CDH23: variants seen among roughly 807,000 people sequenced by gnomAD.
CDH23 encodes cadherin related 23.
CDH23 carries 189 observed loss-of-function variants against 317.1 expected under a neutral mutation model. That is an observed-to-expected ratio of 0.60 (90% CI 0.53 to 0.67). The LOEUF is 0.67. Among genes scored for constraint, CDH23 ranks in the 30% least tolerant of loss-of-function variants. The pLI is 0.00. For missense variants in CDH23, 4,401 were observed against 4,592.4 expected, an observed-to-expected ratio of 0.96 and a Z score of 1.20; for synonymous variants, 1,839 against 1,876.8, an observed-to-expected ratio of 0.98 and a Z score of 0.52.
At chr10:71,631,890 C>T (rs935793646) in intron 11 of CDH23, among the ~76,000 whole-genome samples, 8 of 152,204 alleles carry the variant, frequency 5.3e-5, no homozygotes, top group Non-Finnish European at 8.8e-5. Context: ...AGAAGCCACT[C>T]GCTATTGCCC....
At position 71,565,308 on chromosome 10, in the gene CDH23, A is replaced by T. The variant is rs533563603; in HGVS notation, c.430-1434A>T. 2.0e-5 allele frequency among the ~76,000 whole-genome samples: 3 copies of T among 152,300 alleles called. No individual in the cohort carries two copies. In the South Asian group the frequency reaches 6.2e-4, roughly 32 times the overall value. On this transcript the variant is annotated intron_variant, in intron 6 of 69. Transcript: ENST00000224721. ...AGGGAAAGGAGACGAAAATTGTATT[A>T]TCAGAGCCCACTGAGAGTTGGGGCC...
intron 3 of CDH23, among the ~76,000 whole-genome samples, chr10:71,488,927 T>G (rs536072392): frequency 1.4e-4 from 21 of 152,374 alleles, no homozygotes; most frequent in Non-Finnish European, 2.5e-4. Flanking sequence ...GACTTTGGGA[T>G]CCACTGTGAT....
At chr10:71,532,690 G>A (rs1439891261) in intron 6 of CDH23, among the ~76,000 whole-genome samples, 4 of 149,814 alleles carry the variant, frequency 2.7e-5, no homozygotes, top group Non-Finnish European at 5.9e-5. Flanking sequence ...GTTTGATGTT[G>A]GCAAGTTTTC....
chr10:71,447,402 C>T (rs1850223803), intron 3 of CDH23, among the ~76,000 whole-genome samples: 2 of 152,292 alleles, frequency 1.3e-5, no homozygotes, highest in African/African-American at 4.8e-5. Flanking sequence ...CGGGCCCAGA[C>T]TCTCCCCTGC....
At chr10:71,711,486 T>A (rs187507668) in intron 27 of CDH23, among the ~76,000 whole-genome samples, 2 of 152,068 alleles carry the variant, frequency 1.3e-5, no homozygotes, top group East Asian at 3.9e-4. Context: ...GGTTACAAGC[T>A]CCTTCCTCCA....
intron 6 of CDH23, among the ~76,000 whole-genome samples, chr10:71,551,745 G>T (rs1267919421): frequency 6.6e-6 from 1 of 152,176 alleles, no homozygotes; most frequent in Non-Finnish European, 1.5e-5. Flanking sequence ...AGGACCTCTA[G>T]CTGTCCCTGA....
At chr10:71,662,587 C>G (rs991346641) in intron 14 of CDH23, among the ~76,000 whole-genome samples, 1 of 152,168 alleles carries the variant, frequency 6.6e-6, no homozygotes, top group Non-Finnish European at 1.5e-5. Flanking sequence ...TTGCCCCCTT[C>G]TCTCATCTCC....
chr10:71,546,360 G>A (rs922843009), intron 6 of CDH23, among the ~76,000 whole-genome samples: 8 of 152,346 alleles, frequency 5.3e-5, no homozygotes, highest in South Asian at 2.1e-4. Flanking sequence ...ACCAGGCAGA[G>A]CGATATGATG....
chr10:71,495,810 G>GA (rs79249505), intron 3 of CDH23, among the ~76,000 whole-genome samples: 220 of 128,242 alleles, frequency 1.7e-3, no homozygotes, highest in Admixed American at 3.1e-3. Flanking sequence ...AGAGGTTTTG[G>GA]AAAAAAAAAA....
intron 1 of CDH23, among the ~76,000 whole-genome samples, chr10:71,426,714 T>A (rs890801665): frequency 2.6e-5 from 4 of 152,242 alleles, no homozygotes; most frequent in Admixed American, 6.5e-5. Context: ...TTTAATTTTT[T>A]AAAACTGTTC....
intron 38 of CDH23, chr10:71,760,688 G>A: frequency 1.6e-6 from 1 of 625,872 alleles, no homozygotes; most frequent in South Asian, 1.9e-5. Context: ...AAGGAGAGTG[G>A]GCTTCTGGGG....
At chr10:71,784,155 T>C in intron 41 of CDH23, 132 bp from the exon 42 acceptor site, 1 of 895,056 alleles carries the variant, frequency 1.1e-6, no homozygotes, top group Non-Finnish European at 1.7e-6. Context: ...CTGGGGTCAC[T>C]GGAGGACCCG....
rs745798769 is a variant in CDH23, at chr10:71,694,242, A to G, written c.2272A>G (p.Lys758Glu). The change falls in exon 21 of 70, where the codon AAA (lysine) becomes GAA (glutamate). Residue 758 changes from lysine (K) to glutamate (E), a missense_variant. Coordinates refer to ENST00000224721, the MANE Select transcript of CDH23 (RefSeq NM_022124.6). ...GGACGGGGGTGTGGGCCACAACCAG[A>G]AAACTGGCATCGCCACCGTGAGTGC... is the stretch of plus-strand genomic sequence containing the variant. ...AVDGGVGHNQ[K>E]TGIATVNITL... 3 of 1,612,596 alleles carry G rather than the reference A, an allele frequency of 1.9e-6. No homozygotes were observed. Among genetic ancestry groups the G allele is most frequent in the Non-Finnish European group, 2.5e-6 (3 of 1,179,294 alleles).
intron 11 of CDH23, among the ~76,000 whole-genome samples, chr10:71,634,188 C>T (rs1862150199): frequency 1.3e-5 from 2 of 152,250 alleles, no homozygotes; most frequent in South Asian, 4.1e-4. Flanking sequence ...ACCCAGGAGG[C>T]TGGTGAGGCC....
At chr10:71,557,430 C>T (rs1482111682) in intron 6 of CDH23, among the ~76,000 whole-genome samples, 1 of 152,150 alleles carries the variant, frequency 6.6e-6, no homozygotes, top group Non-Finnish European at 1.5e-5. Context: ...GTTCTGGAGG[C>T]TTGATGTGGG....
At chr10:71,425,371 A>AAGGAAG (rs370641849) in intron 1 of CDH23, among the ~76,000 whole-genome samples, 2 of 82,418 alleles carry the variant, frequency 2.4e-5, no homozygotes, top group African/African-American at 9.5e-5. Flanking sequence ...AAGAGAGAGG[A>AAGGAAG]GAAGGAAGGA....
At chr10:71,493,018 G>A (rs1391262051) in intron 3 of CDH23, among the ~76,000 whole-genome samples, 1 of 152,230 alleles carries the variant, frequency 6.6e-6, no homozygotes, top group Non-Finnish European at 1.5e-5. Flanking sequence ...AGAAGCCCAT[G>A]CTGTACAGCT....
chr10:71,766,535 C>A (rs6480554), intron 38 of CDH23, among the ~76,000 whole-genome samples: 1 of 152,108 alleles, frequency 6.6e-6, no homozygotes, highest in African/African-American at 2.4e-5. Context: ...CAGATCCCAC[C>A]CTTCTCTGAG....
intron 6 of CDH23, among the ~76,000 whole-genome samples, chr10:71,566,442 C>T (rs773085723): frequency 2.6e-5 from 4 of 151,984 alleles, no homozygotes; most frequent in East Asian, 3.9e-4. Context: ...ACAGAGGAAG[C>T]GAAACCACCA....
Sources: gnomAD v4.1 joint callset for allele counts (sites outside exome capture counted in the v4.1 genomes callset) on GRCh38, gnomAD v4.1.1 for gene constraint, MANE v1.5 for transcripts, NCBI Gene and HGNC (gene_info 2026-07-23, HGNC 2026-07-21) for gene names.